The following PPM1B variants were observed in gnomAD, a reference collection of about 807,000 sequenced individuals.
PPM1B encodes protein phosphatase, Mg2+/Mn2+ dependent 1B.
PPM1B carries 22 observed loss-of-function variants against 43.0 expected under a neutral mutation model. The observed-to-expected ratio is 0.51, with a 90% CI of 0.37 to 0.73. The LOEUF is 0.73. Among genes scored for constraint, PPM1B ranks in the 30% least tolerant of loss-of-function variants. The pLI is 0.00. For missense variants in PPM1B, 632 were observed against 584.2 expected, an observed-to-expected ratio of 1.08 and a Z score of -0.84; for synonymous variants, 217 against 197.9, an observed-to-expected ratio of 1.10 and a Z score of -0.81.
At chr2:44,235,663 A>C (rs557900558), downstream of PPM1B, among the ~76,000 whole-genome samples, 1 of 152,024 alleles carries the variant, frequency 6.6e-6, no homozygotes, top group African/African-American at 2.4e-5. Context: ...GCCTGTAATA[A>C]AGCAGGAGGA....
intron 1 of PPM1B, among the ~76,000 whole-genome samples, chr2:44,179,125 T>C (rs1667734686): frequency 6.6e-6 from 1 of 151,912 alleles, no homozygotes; most frequent in Non-Finnish European, 1.5e-5. Flanking sequence ...CTGATGGTTT[T>C]ATAATGGAGA....
downstream of PPM1B, chr2:44,234,296 G>A (rs1558435675): frequency 1.2e-6 from 1 of 830,390 alleles, no homozygotes; most frequent in Non-Finnish European, 1.5e-6. Flanking sequence ...CAAGGCGGGT[G>A]GATCACGAGG....
chr2:44,213,168 T>C (rs576587308), intron 3 of PPM1B, among the ~76,000 whole-genome samples: 1 of 150,634 alleles, frequency 6.6e-6, no homozygotes, highest in South Asian at 2.1e-4. Flanking sequence ...AATCTTAATA[T>C]AACCTTTTGG....
intron 5 of PPM1B, among the ~76,000 whole-genome samples, chr2:44,220,277 T>C (rs1669916124): frequency 6.6e-6 from 1 of 151,532 alleles, no homozygotes; most frequent in Non-Finnish European, 1.5e-5. Flanking sequence ...TATATATATA[T>C]ATATACCTTG....
At chr2:44,205,354 G>GGTGTGTGTGTCGGGGTGTGTGTGTGT (rs1553333036) in intron 2 of PPM1B, among the ~76,000 whole-genome samples, 2,418 of 91,682 alleles carry the variant, frequency 0.026, 46 homozygotes, top group African/African-American at 0.062. Context: ...TGTGGGTGTG[G>GGTGTGTGTGTCGGGGTGTGTGTGTGT]GTGTGTGTGT....
At chr2:44,205,812 GT>G (rs1374231290) in intron 2 of PPM1B, among the ~76,000 whole-genome samples, 1 of 152,106 alleles carries the variant, frequency 6.6e-6, no homozygotes, top group Non-Finnish European at 1.5e-5. Flanking sequence ...GTACCTCATA[GT>G]TGGATAAAAT....
chr2:44,171,052 A>G (rs2103981839), intron 1 of PPM1B, among the ~76,000 whole-genome samples: 1 of 152,176 alleles, frequency 6.6e-6, no homozygotes, highest in African/African-American at 2.4e-5. Context: ...GTTGCTGTAT[A>G]TTAGCACGAG....
chr2:44,189,443 C>T lies in PPM1B; in HGVS notation c.-14-11743C>T, dbSNP rs183264442. On this transcript the variant is annotated intron_variant, in intron 1 of 5. Coordinates refer to ENST00000282412, the MANE Select transcript of PPM1B (RefSeq NM_002706.6). Reference sequence around the variant, plus strand: ...CCCTCCGCAGTTCTAACTTGCTAAGCTGCTGGTCCTTCCATTCTTTTTTAT... The same window carrying T: ...CCCTCCGCAGTTCTAACTTGCTAAGTTGCTGGTCCTTCCATTCTTTTTTAT... Among the ~76,000 whole-genome samples the T allele has an allele frequency of 2.8e-3, 430 of 152,182 alleles. 2 individuals are homozygous for T. The highest frequency in any genetic ancestry group is 3.7e-3 in the Non-Finnish European group (253 of 67,976).
At chr2:44,170,886 T>C (rs1667305803) in intron 1 of PPM1B, among the ~76,000 whole-genome samples, 1 of 152,250 alleles carries the variant, frequency 6.6e-6, no homozygotes, top group African/African-American at 2.4e-5. Flanking sequence ...CAGAATATTT[T>C]AGTCCACACA....
At chr2:44,211,606 C>T (rs1322032267) in intron 3 of PPM1B, among the ~76,000 whole-genome samples, 9 of 151,926 alleles carry the variant, frequency 5.9e-5, no homozygotes, top group African/African-American at 2.2e-4. Flanking sequence ...TATACTTATT[C>T]ATAAGTATTC....
intron 3 of PPM1B, among the ~76,000 whole-genome samples, chr2:44,210,385 G>A (rs971051665): frequency 1.3e-5 from 2 of 151,746 alleles, no homozygotes; most frequent in African/African-American, 4.8e-5. Flanking sequence ...CAGCTGGCTA[G>A]TTTTCTTTAT....
downstream of PPM1B, chr2:44,234,662 A>C: frequency 1.0e-6 from 1 of 977,974 alleles, no homozygotes; most frequent in Non-Finnish European, 1.2e-6. Context: ...TAGCCTGGCT[A>C]TTCTCAAGTA....
intron 3 of PPM1B, 194 bp downstream of exon 3, chr2:44,209,521 C>T (rs1183729714): frequency 7.5e-6 from 4 of 536,000 alleles, no homozygotes; most frequent in Non-Finnish European, 1.2e-5. Flanking sequence ...GTGGCTCACA[C>T]CTGTAATCCC....
rs1014425027 is a variant in PPM1B, at chr2:44,241,197, T to A, written n.1547-3031T>A. Among the ~76,000 whole-genome samples, 13 of 142,444 alleles carry A rather than the reference T, an allele frequency of 9.1e-5. 1 individual carries two copies. Among genetic ancestry groups the A allele is most frequent in the Non-Finnish European group, 9.4e-5 (6 of 64,016 alleles). The allele number at this position is 142,444 out of a possible 152,430, so 93.4% of individuals were successfully genotyped here. A position where few individuals can be genotyped will look rare whatever the true frequency, so the allele number is the denominator to read the frequency against. ...TTTGTATTTTCAGTAGGGTGGGGGT[T>A]TCTCCATGTTGGCCAGGCTGGTCTC... On this transcript the variant is annotated intron_variant and non_coding_transcript_variant, in intron 5 of 5. Transcript: ENST00000378540.
chr2:44,225,473 A>G (rs1458546520), intron 5 of PPM1B, among the ~76,000 whole-genome samples: 2 of 152,320 alleles, frequency 1.3e-5, no homozygotes, highest in East Asian at 1.9e-4. Flanking sequence ...TGGCTGCGGA[A>G]GAGGTTTCAG....
At chr2:44,236,253 A>T (rs10175909), downstream of PPM1B, among the ~76,000 whole-genome samples, 1 of 151,806 alleles carries the variant, frequency 6.6e-6, no homozygotes, top group Non-Finnish European at 1.5e-5. Context: ...AAATAAAAAA[A>T]TTAACTTGGT....
chr2:44,173,465 A>G lies in PPM1B; in HGVS notation c.-15+4191A>G, dbSNP rs1447265970. Reference sequence around the variant, plus strand: ...ACTTCGTAGTTTTCCTTCAAATTACAGGGTGCTTTATTTCTCCCCTTTGGT... The same window carrying G: ...ACTTCGTAGTTTTCCTTCAAATTACGGGGTGCTTTATTTCTCCCCTTTGGT... On this transcript the variant is annotated intron_variant, in intron 1 of 5. Transcript: ENST00000282412. 5.9e-5 allele frequency among the ~76,000 whole-genome samples: 9 copies of G among 152,188 alleles called. No homozygotes were observed. In the South Asian group the frequency reaches 1.4e-3, roughly 25 times the overall value.
chr2:44,203,903 G>C (rs1669054680), intron 2 of PPM1B, among the ~76,000 whole-genome samples: 1 of 152,184 alleles, frequency 6.6e-6, no homozygotes, highest in African/African-American at 2.4e-5. Flanking sequence ...CGACCCTTCT[G>C]AATGAGGTTT....
chr2:44,224,213 T>G (rs898423140), intron 5 of PPM1B, among the ~76,000 whole-genome samples: 4 of 152,152 alleles, frequency 2.6e-5, no homozygotes, highest in African/African-American at 9.7e-5. Context: ...CCCAACACTT[T>G]GGGAGGCCGA....
Sources: gnomAD v4.1 joint callset for allele counts (sites outside exome capture counted in the v4.1 genomes callset) on GRCh38, gnomAD v4.1.1 for gene constraint, MANE v1.5 for transcripts, NCBI Gene and HGNC (gene_info 2026-07-23, HGNC 2026-07-21) for gene names.